The following NBL1 variants were observed in gnomAD, a reference collection of about 807,000 sequenced individuals.
The protein encoded by NBL1 is neuroblastoma suppressor of tumorigenicity 1.
A neutral mutation model predicts 16.0 loss-of-function variants in NBL1; 9 were observed. The ratio of observed to expected loss-of-function variants is 0.56; its 90% CI spans 0.34 to 0.98. NBL1 has a LOEUF of 0.98. Among genes scored for constraint, NBL1 ranks in the 50% least tolerant of loss-of-function variants. NBL1 has a pLI of 0.02. For missense variants in NBL1, 196 were observed against 243.1 expected, an observed-to-expected ratio of 0.81 and a Z score of 1.29; for synonymous variants, 86 against 100.7, an observed-to-expected ratio of 0.85 and a Z score of 0.87.
rs1050999614 is a variant in NBL1, at chr1:19,657,992, C to T, written c.*863C>T. The T allele has an allele frequency of 2.0e-5, 3 of 153,014 alleles. No individual in the cohort carries two copies. The highest frequency in any genetic ancestry group is 6.5e-5 in the Admixed American group (1 of 15,290). The allele number at this position is 153,014 out of a possible 1,614,324, so 9.5% of individuals were successfully genotyped here. A position where few individuals can be genotyped will look rare whatever the true frequency, so the allele number is the denominator to read the frequency against. On this transcript the variant is annotated 3_prime_UTR_variant, in exon 4 of 4. Transcript: ENST00000375136. ...GCCAGAGCCGGCCGCCTTCTCCCCTCTCCCAGGGATGCTCTTTGTAAATAT... is the reference window on the plus strand; with the variant it reads ...GCCAGAGCCGGCCGCCTTCTCCCCTTTCCCAGGGATGCTCTTTGTAAATAT...
At chr1:19,643,882 C>T (rs532601834), upstream of NBL1, 222 of 989,464 alleles carry the variant, frequency 2.2e-4, no homozygotes, top group African/African-American at 3.6e-3. This position sits in a 1 kb window ranked among gnomAD's most constrained non-coding sequence, Gnocchi z 4.7. Context: ...GTCTGCAATG[C>T]CCGGTGCCCA....
Position 19,657,670 on chromosome 1 carries a change from G to A in NBL1, c.*541G>A, listed in dbSNP as rs914353781. The A allele has an allele frequency of 3.3e-5, 5 of 152,818 alleles. No individual in the cohort carries two copies. The highest frequency in any genetic ancestry group is 1.2e-4 in the African/African-American group (5 of 41,430). 9.5% of individuals were successfully genotyped at this position (152,818 alleles called of 1,614,324 possible). Reference sequence around the variant, plus strand: ...ATCTCCAGGGAAGCGTCGCCCCAGTGGCACTGAAGTGGCCCTCCCTCAGCG... The same window carrying A: ...ATCTCCAGGGAAGCGTCGCCCCAGTAGCACTGAAGTGGCCCTCCCTCAGCG... On this transcript the variant is annotated 3_prime_UTR_variant, in exon 4 of 4. Transcript: ENST00000375136.
intron 1 of NBL1, chr1:19,645,952 T>C (rs2094977029): frequency 6.4e-7 from 1 of 1,550,456 alleles, no homozygotes; most frequent in Non-Finnish European, 8.7e-7. Context: ...GCTGAGCAGA[T>C]GTGCAGCCTG....
In NBL1 at chr1:19,655,103, C is replaced by T. The variant is rs761694876; in HGVS notation, c.73C>T (p.Leu25=). Residue 25 remains leucine, a synonymous_variant, in exon 2 of 4, where the codon CTG becomes TTG. Coordinates refer to ENST00000375136, the MANE Select transcript of NBL1 (RefSeq NM_005380.8). Reference sequence around the variant, plus strand: ...GGCTGCCCCACCACCCATCAACAAGCTGGCACTGTTCCCAGATAAGAGTGC... The same window carrying T: ...GGCTGCCCCACCACCCATCAACAAGTTGGCACTGTTCCCAGATAAGAGTGC... ...LLAAPPPINK[L]ALFPDKSAWC... 6.2e-7 allele frequency: 1 copy of T among 1,613,122 alleles called. No homozygotes were observed. The highest frequency in any genetic ancestry group is 8.5e-7 in the Non-Finnish European group (1 of 1,179,866).
upstream of NBL1, chr1:19,644,263 A>T: frequency 2.0e-6 from 2 of 977,476 alleles, no homozygotes; most frequent in Non-Finnish European, 2.4e-6. The surrounding 1 kb of genome is among the most constrained non-coding windows in gnomAD (Gnocchi z 4.6). Context: ...GGAGGGAGCC[A>T]CCCTGACGTC....
intron 1 of NBL1, chr1:19,645,900 G>A: frequency 3.2e-6 from 5 of 1,547,214 alleles, no homozygotes; most frequent in Middle Eastern, 1.7e-4. Flanking sequence ...GGAGGCTGCC[G>A]GAGCGGGCAG....
intron 3 of NBL1, among the ~76,000 whole-genome samples, chr1:19,655,669 A>G (rs1467680835): frequency 2.0e-5 from 3 of 152,226 alleles, no homozygotes; most frequent in Admixed American, 6.5e-5. Flanking sequence ...TTCCATTCTG[A>G]TGTCTCTCAT....
At chr1:19,646,698 C>T (rs2094982482) in intron 1 of NBL1, among the ~76,000 whole-genome samples, 1 of 152,242 alleles carries the variant, frequency 6.6e-6, no homozygotes, top group Non-Finnish European at 1.5e-5. Context: ...CAGTGGGGCA[C>T]AGCCTGTTTT....
rs2095060891 is a variant in NBL1, at chr1:19,657,082, GACC to G, written c.500_502del (p.Asp167_Pro168delinsAla). ...TGGCGGGCAGACCCCTGAGCCCGAG[GACC>G]CCCCTGGGGCCCCCCACACAGAGGA... On this transcript the variant is annotated inframe_deletion, in exon 4 of 4. Coordinates refer to ENST00000375136, the MANE Select transcript of NBL1 (RefSeq NM_005380.8). 97 of 1,528,244 alleles carry G rather than the reference GACC, an allele frequency of 6.3e-5. No individual in the cohort carries two copies. The highest frequency in any genetic ancestry group is 8.4e-5 in the Non-Finnish European group (95 of 1,134,136). 94.7% of individuals were successfully genotyped at this position (1,528,244 alleles called of 1,614,324 possible). A position where few individuals can be genotyped will look rare whatever the true frequency, so the allele number is the denominator to read the frequency against.
At chr1:19,646,074 G>T (rs1179609000) in intron 1 of NBL1, 1 of 1,548,830 alleles carries the variant, frequency 6.5e-7, no homozygotes. Flanking sequence ...CTGGCACAGA[G>T]GTGGTCAGGG....
chr1:19,655,859 C>T (rs55976853), intron 3 of NBL1, among the ~76,000 whole-genome samples: 17 of 152,186 alleles, frequency 1.1e-4, no homozygotes, highest in Non-Finnish European at 2.4e-4. Flanking sequence ...GCACCTGCTC[C>T]GTTCGCTTCT....
In NBL1 at chr1:19,655,347, G is replaced by A. The variant is rs779465735; in HGVS notation, c.194G>A (p.Ser65Asn). 10 of 1,614,008 alleles carry A rather than the reference G, an allele frequency of 6.2e-6. No homozygotes were observed. The change falls in exon 3 of 4, where the codon AGC (serine) becomes AAC (asparagine). Residue 65 changes from serine to asparagine, a missense_variant. Transcript: ENST00000375136. ...QNRACLGQCF[S>N]YSVPNTFPQS... ...AGGGCGTGCCTAGGACAGTGCTTCA[G>A]CTACAGCGTCCCCAACACCTTCCCA...
chr1:19,654,729 G>A (rs1281401974), intron 1 of NBL1, among the ~76,000 whole-genome samples: 2 of 151,824 alleles, frequency 1.3e-5, no homozygotes, highest in East Asian at 1.9e-4. Context: ...AGGCAATTTA[G>A]GAAGTTGTAA....
At chr1:19,648,724 G>C (rs189210047) in intron 1 of NBL1, among the ~76,000 whole-genome samples, 1 of 150,552 alleles carries the variant, frequency 6.6e-6, no homozygotes, top group East Asian at 2.0e-4. Context: ...GAATGTACCA[G>C]GCATTGGCAG....
intron 1 of NBL1, chr1:19,647,818 G>A (rs537631145): frequency 2.1e-4 from 64 of 306,870 alleles, no homozygotes; most frequent in African/African-American, 1.4e-3. Context: ...TCTGCACCGA[G>A]TGGTTGCTGG....
intron 1 of NBL1, among the ~76,000 whole-genome samples, chr1:19,651,101 C>T (rs1374256680): frequency 6.6e-6 from 1 of 152,234 alleles, no homozygotes; most frequent in Non-Finnish European, 1.5e-5. Context: ...AGGGAAGGTG[C>T]AATGCTTCCC....
intron 1 of NBL1, chr1:19,645,637 GA>G: frequency 8.8e-7 from 1 of 1,140,792 alleles, no homozygotes. Flanking sequence ...GACTCCCCCA[GA>G]TGCTGGGGCT....
Position 19,644,454 on chromosome 1 carries a change from CCGCCCGGGTCGGCACGCGGG to C in NBL1, c.-20+16_-20+35del. 1.0e-6 allele frequency: 1 copy of C among 978,698 alleles called. No individual in the cohort carries two copies. The highest frequency in any genetic ancestry group is 1.8e-5 in the African/African-American group (1 of 56,540). The allele number at this position is 978,698 out of a possible 1,614,324, so 60.6% of individuals were successfully genotyped here. On this transcript the variant is annotated intron_variant, in intron 1 of 3. Transcript: ENST00000375136. This position sits in a 1 kb window ranked among gnomAD's most constrained non-coding sequence, Gnocchi z 4.6. ...GACCGGCGGGCGCGCGCGGTAAGTC[CCGCCCGGGTCGGCACGCGGG>C]CGCCCGGCTTCCAGAGGCTTCGGCC...
chr1:19,655,340 T>C lies in NBL1; in HGVS notation c.187T>C (p.Cys63Arg). The C allele has an allele frequency of 6.2e-7, 1 of 1,614,070 alleles. No individual in the cohort carries two copies. Among genetic ancestry groups the C allele is most frequent in the Non-Finnish European group, 8.5e-7 (1 of 1,180,002 alleles). The change falls in exon 3 of 4, where the codon TGC (cysteine) becomes CGC (arginine). Residue 63 changes from cysteine to arginine, a missense_variant. By Grantham distance (180) the Cys-to-Arg change is radical. Coordinates refer to ENST00000375136, the MANE Select transcript of NBL1 (RefSeq NM_005380.8). ...SIQNRACLGQCFSYSVPNTFP... is the reference protein window; with the variant it reads ...SIQNRACLGQRFSYSVPNTFP... Reference sequence around the variant, plus strand: ...CTCCCACAGGGCGTGCCTAGGACAGTGCTTCAGCTACAGCGTCCCCAACAC... The same window carrying C: ...CTCCCACAGGGCGTGCCTAGGACAGCGCTTCAGCTACAGCGTCCCCAACAC...
Sources: gnomAD v4.1 joint callset for allele counts (sites outside exome capture counted in the v4.1 genomes callset) on GRCh38, gnomAD v4.1.1 for gene constraint, Gnocchi (gnomAD v3.1) non-coding constraint, MANE v1.5 for transcripts, NCBI Gene and HGNC (gene_info 2026-07-23, HGNC 2026-07-21) for gene names.